The following MAST2 variants were observed in gnomAD, a reference collection of about 807,000 sequenced individuals.
MAST2 encodes microtubule associated serine/threonine kinase 2.
A neutral mutation model predicts 147.4 loss-of-function variants in MAST2; 70 were observed. The ratio of observed to expected loss-of-function variants is 0.47; its 90% confidence interval spans 0.39 to 0.58. MAST2 has a LOEUF of 0.58. MAST2 is among the 20% of genes least tolerant of loss of function. The probability of loss-of-function intolerance (pLI) is 0.00; values close to 1 mark genes in which losing one functional copy is unlikely to be tolerated. For synonymous variants in MAST2, 869 were observed against 896.8 expected (o/e 0.97, Z 0.55); for missense variants, 2,080 against 2,302.3 (o/e 0.90, Z 1.98).
chr1:46,023,726 C>T lies in MAST2; in HGVS notation c.1572-46C>T. The T allele has an allele frequency of 6.3e-7, 1 of 1,575,512 alleles. No individual in the cohort carries two copies. The highest frequency in any genetic ancestry group is 8.7e-7 in the Non-Finnish European group (1 of 1,151,270). On this transcript the variant is annotated intron_variant, in intron 14 of 28. Coordinates refer to ENST00000361297, the MANE Select transcript of MAST2 (RefSeq NM_015112.3). The surrounding 1 kb of genome is among the most constrained non-coding windows in gnomAD (Gnocchi z 4.9). ...AGTTTGGGTGGCAGAGAGCACAGCT[C>T]AGGTGCTGAGGGTCCATGGGGGATG...
intron 4 of MAST2, among the ~76,000 whole-genome samples, chr1:45,899,326 T>TTTTG (rs1251841080): frequency 2.7e-5 from 4 of 150,148 alleles, no homozygotes; most frequent in Admixed American, 6.6e-5. Flanking sequence ...TTTTTTTTTT[T>TTTTG]TAGATTCAGG....
At chr1:46,004,145 G>A (rs984538810) in intron 7 of MAST2, among the ~76,000 whole-genome samples, 3 of 151,858 alleles carry the variant, frequency 2.0e-5, no homozygotes, top group African/African-American at 4.8e-5. Flanking sequence ...CAGGCTGATC[G>A]CAAGGTCAGG....
At chr1:45,929,586 C>T (rs1654952669) in intron 4 of MAST2, among the ~76,000 whole-genome samples, 1 of 152,120 alleles carries the variant, frequency 6.6e-6, no homozygotes, top group African/African-American at 2.4e-5. Flanking sequence ...CTTTCATGTC[C>T]CTAGATGCCA....
chr1:45,803,694 T>C lies in MAST2; in HGVS notation c.-202T>C. On this transcript the variant is annotated 5_prime_UTR_variant, in exon 1 of 29. Transcript: ENST00000361297. The stretch of plus-strand genomic sequence containing the variant: ...AAGGCGAGGCGTCAGCGATGCTGTC[T>C]CTTCCGTGAGGAGCGCAGAGGAGGT... 3 of 344,310 alleles carry C rather than the reference T, an allele frequency of 8.7e-6. No homozygotes were observed. The highest frequency in any genetic ancestry group is 1.5e-5 in the Non-Finnish European group (3 of 193,700). 21.3% of individuals were successfully genotyped at this position (344,310 alleles called of 1,614,324 possible). A position where few individuals can be genotyped will look rare whatever the true frequency, so the allele number is the denominator to read the frequency against.
chr1:46,025,548 C>T (rs1308009691), intron 15 of MAST2, 129 bp from the exon 16 acceptor site: 11 of 1,117,752 alleles, frequency 9.8e-6, no homozygotes, highest in Non-Finnish European at 1.2e-5. Context: ...GGGCTAGAAT[C>T]AGAGTCTCCA....
intron 4 of MAST2, among the ~76,000 whole-genome samples, chr1:45,901,105 G>A: frequency 6.6e-6 from 1 of 152,020 alleles, no homozygotes; most frequent in Non-Finnish European, 1.5e-5. Flanking sequence ...TTTTTCCTAG[G>A]TATTCTTTTA....
intron 5 of MAST2, among the ~76,000 whole-genome samples, chr1:45,980,676 A>G (rs1161661538): frequency 6.6e-6 from 1 of 152,084 alleles, no homozygotes; most frequent in Non-Finnish European, 1.5e-5. Context: ...CTGTGACTAC[A>G]TGTGCGCACC....
intron 3 of MAST2, among the ~76,000 whole-genome samples, chr1:45,872,838 A>G (rs1049819940): frequency 6.6e-6 from 1 of 152,318 alleles, no homozygotes; most frequent in South Asian, 2.1e-4. Context: ...TTTGTGGACA[A>G]TGAAAGAGAG....
At chr1:45,901,820 A>G (rs1340469326) in intron 4 of MAST2, among the ~76,000 whole-genome samples, 1 of 152,218 alleles carries the variant, frequency 6.6e-6, no homozygotes, top group South Asian at 2.1e-4. Flanking sequence ...TGATTTGTGC[A>G]TTAATTTTAT....
chr1:45,816,358 A>G (rs1308060160), intron 1 of MAST2, among the ~76,000 whole-genome samples: 1 of 152,198 alleles, frequency 6.6e-6, no homozygotes, highest in African/African-American at 2.4e-5. Context: ...ACACTGACAA[A>G]TACCCACAAG....
In MAST2 at chr1:46,034,135, G is replaced by A. The variant is rs56309943; in HGVS notation, c.3737G>A (p.Arg1246His). ...TKQASLLHTS[R>H]SLSSLNRSLS... ...CAAGCATCCCTGCTCCACACCAGCC[G>A]CAGCCTTTCTTCCCTTAACCGCTCC... The change falls in exon 28 of 29, where the codon CGC (arginine) becomes CAC (histidine). Residue 1246 changes from arginine to histidine, a missense_variant. By Grantham distance (29) the Arg-to-His change is conservative. Coordinates refer to ENST00000361297, the MANE Select transcript of MAST2 (RefSeq NM_015112.3). 1.2e-4 allele frequency: 191 copies of A among 1,614,012 alleles called. No homozygotes were observed. Among genetic ancestry groups the A allele is most frequent in the East Asian group, 1.8e-4 (8 of 44,900 alleles).
At chr1:45,857,101 G>A (rs979356389) in intron 3 of MAST2, among the ~76,000 whole-genome samples, 9 of 151,954 alleles carry the variant, frequency 5.9e-5, no homozygotes, top group African/African-American at 9.7e-5. Context: ...TATATTTTAT[G>A]TATTCATTTT....
At chr1:46,028,188 T>C (rs1646496906) in intron 17 of MAST2, among the ~76,000 whole-genome samples, 3 of 152,228 alleles carry the variant, frequency 2.0e-5, no homozygotes, top group Non-Finnish European at 2.9e-5. Context: ...GAGAATCATA[T>C]GGATATAAAA....
At chr1:45,927,628 C>T (rs1399567981) in intron 4 of MAST2, among the ~76,000 whole-genome samples, 1 of 152,186 alleles carries the variant, frequency 6.6e-6, no homozygotes, top group Non-Finnish European at 1.5e-5. Context: ...TGCTGTTATC[C>T]TGTTCTTTTT....
chr1:45,834,301 C>T (rs115549495), intron 3 of MAST2, among the ~76,000 whole-genome samples: 1,628 of 152,198 alleles, frequency 0.011, 12 homozygotes, highest in Middle Eastern at 0.027. Flanking sequence ...GGAATGATAA[C>T]TGGTAGGAGG....
chr1:45,953,228 T>TAAA (rs35599360), intron 4 of MAST2, among the ~76,000 whole-genome samples: 1 of 149,584 alleles, frequency 6.7e-6, no homozygotes, highest in Non-Finnish European at 1.5e-5. Flanking sequence ...GAGCAGAGGT[T>TAAA]AAAAAAAAAA....
chr1:45,868,334 C>T (rs1396728912), intron 3 of MAST2, among the ~76,000 whole-genome samples: 1 of 152,170 alleles, frequency 6.6e-6, no homozygotes, highest in Non-Finnish European at 1.5e-5. Flanking sequence ...GGACTAGCCA[C>T]CATAAGCAAA....
rs1326093758 is a variant in MAST2 at position 45,882,012 on chromosome 1, T to TTAA, written c.469-352_469-351insTAA. Among the ~76,000 whole-genome samples the TTAA allele has an allele frequency of 1.8e-3, 72 of 39,830 alleles. 2 individuals carry two copies. Among genetic ancestry groups the TTAA allele is most frequent in the Non-Finnish European group, 2.7e-3 (57 of 21,382 alleles). 26.1% of individuals were successfully genotyped at this position (39,830 alleles called of 152,430 possible). On this transcript the variant is annotated intron_variant, in intron 3 of 28. Transcript: ENST00000361297. ...TAACACGGTGAAACCCCGTCTCTAC[T>TTAA]AAAAAAAAAAAAAAAAAAAAAAAAA...
chr1:45,910,899 A>G (rs1230312749), intron 4 of MAST2, among the ~76,000 whole-genome samples: 4 of 152,232 alleles, frequency 2.6e-5, no homozygotes, highest in Admixed American at 2.6e-4. Context: ...AAATATGTGG[A>G]CAAAGGTTTT....
Sources: allele counts gnomAD v4.1 joint callset (sites outside exome capture counted in the v4.1 genomes callset), GRCh38; gene constraint gnomAD v4.1.1; non-coding constraint Gnocchi (gnomAD v3.1); transcripts MANE v1.5; gene names NCBI Gene and HGNC (gene_info 2026-07-23, HGNC 2026-07-21).